The following DLGAP2 variants were observed in gnomAD, a reference collection of about 807,000 sequenced individuals.
DLGAP2 encodes DLG associated protein 2.
A neutral mutation model predicts 100.3 loss-of-function variants in DLGAP2; 26 were observed. The observed-to-expected ratio is 0.26, with a 90% CI of 0.19 to 0.36. The LOEUF (loss-of-function observed/expected upper bound fraction) is 0.36, where lower values mean the gene tolerates loss of function less well. DLGAP2 is among the 10% of genes least tolerant of loss of function. The pLI is 1.00. For synonymous variants in DLGAP2, 886 were observed against 630.1 expected (o/e 1.41, Z -6.08); for missense variants, 1,858 against 1,453.2 (o/e 1.28, Z -4.53).
rs1199768100 is a variant in DLGAP2 at position 1,183,267 on chromosome 8, G to T, written c.74-75584G>T. ...ACAGACATGGAGGTTCACGGAAGGG[G>T]AGACTCCAGAATAATATCAGTTCAC... On this transcript the variant is annotated intron_variant, in intron 2 of 14. Transcript: ENST00000637795. Among the ~76,000 whole-genome samples, 11 of 152,290 alleles carry T rather than the reference G, an allele frequency of 7.2e-5. No homozygotes were observed. In the South Asian group the frequency reaches 1.7e-3, roughly 23 times the overall value.
At chr8:863,916 C>T (rs1457665737) in intron 1 of DLGAP2, among the ~76,000 whole-genome samples, 2 of 152,122 alleles carry the variant, frequency 1.3e-5, no homozygotes, top group Admixed American at 6.5e-5. Context: ...AGGTCCATTG[C>T]GGCACCCTTC....
intron 4 of DLGAP2, among the ~76,000 whole-genome samples, chr8:1,544,886 C>T (rs1006287375): frequency 6.6e-6 from 1 of 152,064 alleles, no homozygotes; most frequent in African/African-American, 2.4e-5. Flanking sequence ...GCATGCGCCA[C>T]CATGCCCAGC....
At chr8:1,465,134 G>A (rs1432953960) in intron 3 of DLGAP2, among the ~76,000 whole-genome samples, 1 of 152,170 alleles carries the variant, frequency 6.6e-6, no homozygotes, top group East Asian at 1.9e-4. Context: ...GGGAGGGCTG[G>A]GTCCCCAAGA....
At chr8:1,046,755 C>G (rs1802527029) in intron 2 of DLGAP2, among the ~76,000 whole-genome samples, 1 of 152,052 alleles carries the variant, frequency 6.6e-6, no homozygotes, top group Non-Finnish European at 1.5e-5. Context: ...CTCTTCAGCT[C>G]TTGATTAACA....
intron 2 of DLGAP2, among the ~76,000 whole-genome samples, chr8:1,105,830 C>T (rs533072072): frequency 7.0e-5 from 10 of 141,884 alleles, no homozygotes; most frequent in African/African-American, 2.4e-4. Context: ...CTGAAGGGGG[C>T]CATTCTAGGA....
chr8:1,277,868 A>G (rs1342900408), intron 3 of DLGAP2, among the ~76,000 whole-genome samples: 1 of 152,222 alleles, frequency 6.6e-6, no homozygotes, highest in African/African-American at 2.4e-5. Flanking sequence ...ACAGTTAGGC[A>G]GATGTGTCAT....
chr8:853,303 G>C (rs537226761), intron 1 of DLGAP2, among the ~76,000 whole-genome samples: 1 of 152,322 alleles, frequency 6.6e-6, no homozygotes, highest in Non-Finnish European at 1.5e-5. Flanking sequence ...TCCCCACAGA[G>C]TCCCAGGAGG....
intron 2 of DLGAP2, among the ~76,000 whole-genome samples, chr8:1,254,335 T>C (rs551212833): frequency 6.6e-6 from 1 of 152,266 alleles, no homozygotes; most frequent in Admixed American, 6.5e-5. Context: ...CGTGGTCTCC[T>C]CCACGTGGGA....
At chr8:1,181,511 G>A (rs1368940472) in intron 2 of DLGAP2, among the ~76,000 whole-genome samples, 1 of 151,980 alleles carries the variant, frequency 6.6e-6, no homozygotes, top group African/African-American at 2.4e-5. Flanking sequence ...GACAGGCACC[G>A]AGAGGGACAA....
intron 1 of DLGAP2, among the ~76,000 whole-genome samples, chr8:825,848 A>G (rs1796676525): frequency 1.3e-5 from 2 of 152,236 alleles, no homozygotes; most frequent in South Asian, 4.1e-4. Flanking sequence ...TGTTATACAC[A>G]ATCAATTATA....
intron 3 of DLGAP2, among the ~76,000 whole-genome samples, chr8:1,332,600 C>G (rs902062777): frequency 6.6e-6 from 1 of 152,156 alleles, no homozygotes; most frequent in African/African-American, 2.4e-5. Flanking sequence ...CACACATGCC[C>G]TGAGAAGCAC....
At chr8:961,281 C>T (rs1049341651) in intron 2 of DLGAP2, among the ~76,000 whole-genome samples, 1 of 152,198 alleles carries the variant, frequency 6.6e-6, no homozygotes, top group Non-Finnish European at 1.5e-5. Flanking sequence ...TTCAGTCATT[C>T]CAGAACTGTG....
At position 791,119 on chromosome 8, in the gene DLGAP2, T is replaced by C. The variant is rs1008242734; in HGVS notation, c.18+53294T>C. Among the ~76,000 whole-genome samples, 6 of 152,370 alleles carry C rather than the reference T, an allele frequency of 3.9e-5. No individual in the cohort carries two copies. In the South Asian group the frequency reaches 1.2e-3, roughly 32 times the overall value. ...TTGTTTTTCTTATTTGCTTAATTTT[T>C]CCCCGAATTTTAAAAATAATGCAAG... On this transcript the variant is annotated intron_variant, in intron 1 of 14. Coordinates refer to ENST00000637795, the MANE Select transcript of DLGAP2 (RefSeq NM_001346810.2).
intron 2 of DLGAP2, among the ~76,000 whole-genome samples, chr8:1,197,112 G>A (rs1303443613): frequency 7.5e-6 from 1 of 133,336 alleles, no homozygotes; most frequent in African/African-American, 2.8e-5. Flanking sequence ...TGGGCCCTCA[G>A]TGGATTGGAG....
chr8:1,588,588 G>A (rs909156895), intron 6 of DLGAP2, among the ~76,000 whole-genome samples: 1 of 152,002 alleles, frequency 6.6e-6, no homozygotes, highest in Non-Finnish European at 1.5e-5. Context: ...TAAATAATAT[G>A]TGTACAGACT....
At chr8:965,321 CGCT>C (rs1419430210) in intron 2 of DLGAP2, among the ~76,000 whole-genome samples, 16 of 103,606 alleles carry the variant, frequency 1.5e-4, no homozygotes, top group African/African-American at 6.3e-4. Flanking sequence ...CTGACCCCTG[CGCT>C]GCACACGGCA....
At chr8:972,608 A>ATTTTTTCTTTT (rs1554456163) in intron 2 of DLGAP2, among the ~76,000 whole-genome samples, 20 of 149,310 alleles carry the variant, frequency 1.3e-4, no homozygotes, top group African/African-American at 4.9e-4. Flanking sequence ...TTTTTTTTGT[A>ATTTTTTCTTTT]TTTTTTTCTT....
intron 1 of DLGAP2, among the ~76,000 whole-genome samples, chr8:887,836 G>C (rs1473283807): frequency 1.3e-5 from 2 of 152,144 alleles, no homozygotes; most frequent in Admixed American, 1.3e-4. Flanking sequence ...TGGAGAATCT[G>C]ATGATTATGT....
At chr8:1,039,276 C>T (rs549830535) in intron 2 of DLGAP2, among the ~76,000 whole-genome samples, 33 of 146,468 alleles carry the variant, frequency 2.3e-4, no homozygotes, top group Admixed American at 1.6e-3. Context: ...ATGGTCGGCT[C>T]GGTTTCCATG....
Sources: gnomAD v4.1 joint callset for allele counts (sites outside exome capture counted in the v4.1 genomes callset) on GRCh38, gnomAD v4.1.1 for gene constraint, MANE v1.5 for transcripts, NCBI Gene and HGNC (gene_info 2026-07-23, HGNC 2026-07-21) for gene names.